Variants in SNED1 observed in about 807,000 individuals in gnomAD.
SNED1 encodes the protein sushi, nidogen and EGF-like domain-containing protein 1.
SNED1 carries 81 observed loss-of-function variants against 166.7 expected under a neutral mutation model. The ratio of observed to expected loss-of-function variants is 0.49; its 90% CI spans 0.41 to 0.58. SNED1 has a LOEUF of 0.58. SNED1 is among the 20% of genes least tolerant of loss of function. The pLI is 0.00. For missense variants in SNED1, 1,604 were observed against 2,000.2 expected (o/e 0.80, Z 3.78); for synonymous variants, 762 against 822.0 (o/e 0.93, Z 1.25).
Position 241,094,639 on chromosome 2 carries a change from G to C in SNED1, c.*3003G>C, listed in dbSNP as rs552182203. 141 of 339,710 alleles carry C rather than the reference G, an allele frequency of 4.2e-4. No homozygotes were observed. Among genetic ancestry groups the C allele is most frequent in the Non-Finnish European group, 6.9e-4 (120 of 173,632 alleles). 21.0% of individuals were successfully genotyped at this position (339,710 alleles called of 1,614,324 possible). On this transcript the variant is annotated 3_prime_UTR_variant, in exon 32 of 32. Coordinates refer to ENST00000310397, the MANE Select transcript of SNED1 (RefSeq NM_001080437.3). The surrounding 1 kb of genome is among the most constrained non-coding windows in gnomAD (Gnocchi z 4.3). ...AGTGAACAGTCACATTACTGTTGTG[G>C]ACCAGGCCTTAGATGAGTTTCTCAG...
At chr2:241,014,402 C>T (rs1021405209) in intron 1 of SNED1, among the ~76,000 whole-genome samples, 7 of 152,300 alleles carry the variant, frequency 4.6e-5, no homozygotes, top group South Asian at 4.1e-4. Flanking sequence ...ATTTCTGAGC[C>T]GTGGGATGTG....
chr2:241,040,523 C>T, intron 8 of SNED1, 110 bp downstream of exon 8: 1 of 699,246 alleles, frequency 1.4e-6, no homozygotes, highest in Non-Finnish European at 2.4e-6. Context: ...CACCTCACAC[C>T]TGTCTCTGGG....
intron 17 of SNED1, among the ~76,000 whole-genome samples, chr2:241,063,139 G>A (rs796292783): frequency 5.9e-5 from 9 of 152,246 alleles, no homozygotes; most frequent in East Asian, 1.9e-4. Flanking sequence ...GCTTCAGGGC[G>A]CAGAGAAGGT....
At chr2:241,023,887 C>CTTTTTTTTTTTTTTTTTTTTTTTT (rs2060846825) in intron 1 of SNED1, among the ~76,000 whole-genome samples, 1 of 71,658 alleles carries the variant, frequency 1.4e-5, no homozygotes, top group Non-Finnish European at 2.5e-5. Context: ...CTTTTTTTTT[C>CTTTTTTTTTTTTTTTTTTTTTTTT]CTTTTTTTTT....
At chr2:241,029,858 C>T (rs899291280) in intron 1 of SNED1, among the ~76,000 whole-genome samples, 1 of 152,258 alleles carries the variant, frequency 6.6e-6, no homozygotes, top group Admixed American at 6.5e-5. Context: ...GACCCCTGCC[C>T]ACCCTTTCAG....
rs766499310 is a variant in SNED1 at position 241,068,889 on chromosome 2, CTT to C, written c.3195-20_3195-19del. The C allele has an allele frequency of 4.9e-5, 74 of 1,507,472 alleles. No homozygotes were observed. In the South Asian group the frequency reaches 8.2e-4, roughly 17 times the overall value. 93.4% of individuals were successfully genotyped at this position (1,507,472 alleles called of 1,614,324 possible). A position where few individuals can be genotyped will look rare whatever the true frequency, so the allele number is the denominator to read the frequency against. ...CAGGTCCCAGACATCCCTGTTCTCT[CTT>C]TGTCACCTCCTGCCCACAGGGCCCT... is the stretch of plus-strand genomic sequence containing the variant. On this transcript the variant is annotated intron_variant, in intron 22 of 31. Transcript: ENST00000310397. This position sits in a 1 kb window ranked among gnomAD's most constrained non-coding sequence, Gnocchi z 5.3.
At chr2:241,048,071 T>G (rs1307713928) in intron 8 of SNED1, among the ~76,000 whole-genome samples, 1 of 152,216 alleles carries the variant, frequency 6.6e-6, no homozygotes, top group Non-Finnish European at 1.5e-5. Flanking sequence ...TGCTTCTTGT[T>G]CTGTCCAATC....
chr2:241,079,794 T>G (rs921069555), intron 27 of SNED1, among the ~76,000 whole-genome samples: 5 of 152,130 alleles, frequency 3.3e-5, no homozygotes, highest in Admixed American at 1.3e-4. Flanking sequence ...TCACCCCTAA[T>G]GGAATATGGT....
At chr2:241,006,310 ATC>A (rs2060220411) in intron 1 of SNED1, among the ~76,000 whole-genome samples, 1 of 151,884 alleles carries the variant, frequency 6.6e-6, no homozygotes. Context: ...CATATTTTTC[ATC>A]TTTATAATAA....
chr2:241,018,562 C>T lies in SNED1; in HGVS notation c.214-11722C>T, dbSNP rs1176861058. Among the ~76,000 whole-genome samples, 1 of 152,238 alleles carries T rather than the reference C, an allele frequency of 6.6e-6. No homozygotes were observed. The stretch of plus-strand genomic sequence containing the variant: ...TCTTCAGCCAGGAAGCCAGAATGCA[C>T]ATCCCAGGAACTTTCACTCACCTTT... On this transcript the variant is annotated intron_variant, in intron 1 of 31. Transcript: ENST00000310397. The surrounding 1 kb of genome is among the most constrained non-coding windows in gnomAD (Gnocchi z 5.4).
At chr2:241,078,618 G>C (rs370927618) in intron 27 of SNED1, among the ~76,000 whole-genome samples, 1 of 151,692 alleles carries the variant, frequency 6.6e-6, no homozygotes, top group African/African-American at 2.4e-5. Flanking sequence ...GTACATTAGC[G>C]GTTGCTCAGG....
At chr2:241,024,919 G>A (rs1248063885) in intron 1 of SNED1, among the ~76,000 whole-genome samples, 4 of 152,076 alleles carry the variant, frequency 2.6e-5, no homozygotes, top group Non-Finnish European at 1.5e-5. Context: ...GGTGATCCAT[G>A]TGCCTCAGCC....
intron 6 of SNED1, among the ~76,000 whole-genome samples, chr2:241,038,148 A>T (rs924811295): frequency 6.6e-6 from 1 of 152,086 alleles, no homozygotes; most frequent in East Asian, 1.9e-4. Flanking sequence ...CTAAAATCAA[A>T]GCACCGTGAC....
intron 21 of SNED1, among the ~76,000 whole-genome samples, chr2:241,066,721 TG>T (rs1410492397): frequency 6.6e-6 from 1 of 152,118 alleles, no homozygotes; most frequent in African/African-American, 2.4e-5. Flanking sequence ...GTGAAACCTA[TG>T]GGTAGCATGG....
intron 6 of SNED1, among the ~76,000 whole-genome samples, chr2:241,037,617 C>T (rs1305115233): frequency 1.3e-5 from 2 of 152,210 alleles, no homozygotes; most frequent in African/African-American, 4.8e-5. Flanking sequence ...CAGAACAGGC[C>T]AGTGCCCAGG....
rs1448972273 is a variant in SNED1, at chr2:241,064,014, G to A, written c.2488G>A (p.Val830Met). Residue 830 changes from valine (V) to methionine (M), a missense_variant and splice_region_variant, in exon 19 of 32, where the codon GTG becomes ATG. Physicochemically the swap from Val to Met is conservative, Grantham distance 21 (BLOSUM62 1). Transcript: ENST00000310397. This position sits in a 1 kb window ranked among gnomAD's most constrained non-coding sequence, Gnocchi z 7.0. The stretch of plus-strand genomic sequence containing the variant: ...CCCACTCTCTGGGTGTTCTCCAGAG[G>A]TGGACGCCTGCGACTCCAGCCCCTG... ...GFVGVHCETE[V>M]DACDSSPCQH... The A allele has an allele frequency of 7.7e-6, 12 of 1,552,278 alleles. No individual in the cohort carries two copies. The highest frequency in any genetic ancestry group is 9.6e-6 in the Non-Finnish European group (11 of 1,148,104).
chr2:241,032,600 G>A (rs577123601), intron 2 of SNED1, among the ~76,000 whole-genome samples: 36 of 152,138 alleles, frequency 2.4e-4, no homozygotes, highest in African/African-American at 7.7e-4. Context: ...AAACCTGCAC[G>A]TTGTGCACAT....
chr2:241,037,216 GC>G (rs1245751094), intron 5 of SNED1, 23 bp from the exon 6 acceptor site: 1 of 1,570,176 alleles, frequency 6.4e-7, no homozygotes, highest in African/African-American at 1.4e-5. Context: ...CGCCGCTGAG[GC>G]CTCAGCCTGC....
intron 1 of SNED1, among the ~76,000 whole-genome samples, chr2:241,011,424 C>T (rs74004213): frequency 0.13 from 19,965 of 152,192 alleles, 1,430 homozygotes; most frequent in Non-Finnish European, 0.17. Flanking sequence ...TGGCCCTCAG[C>T]AGGTGTCTGA....
Sources: gnomAD v4.1 joint callset for allele counts (sites outside exome capture counted in the v4.1 genomes callset) on GRCh38, gnomAD v4.1.1 for gene constraint, Gnocchi (gnomAD v3.1) non-coding constraint, MANE v1.5 for transcripts, NCBI Gene and HGNC (gene_info 2026-07-23, HGNC 2026-07-21) for gene names.